Variants in CCDC201 observed in about 807,000 individuals in gnomAD.
CCDC201 encodes the protein coiled-coil domain-containing protein 201.
At chr7:45,872,651 G>A (rs180718992) in intron 1 of CCDC201, among the ~76,000 whole-genome samples, 2 of 152,282 alleles carry the variant, frequency 1.3e-5, no homozygotes, top group African/African-American at 2.4e-5. Flanking sequence ...TGGAGGGCCT[G>A]GGACACACCT....
intron 2 of CCDC201, among the ~76,000 whole-genome samples, 176 bp from the exon 3 acceptor site, chr7:45,863,347 C>T (rs749900320): frequency 2.0e-5 from 3 of 152,154 alleles, no homozygotes; most frequent in Admixed American, 2.0e-4. Flanking sequence ...GGATACTGTG[C>T]CACCCAGAGG....
At chr7:45,871,245 A>G (rs1467151714) in intron 1 of CCDC201, among the ~76,000 whole-genome samples, 1 of 152,196 alleles carries the variant, frequency 6.6e-6, no homozygotes. Context: ...CTCTTTCATC[A>G]CATCTTCTTC....
chr7:45,867,870 T>C (rs989220774), intron 1 of CCDC201, among the ~76,000 whole-genome samples: 2 of 152,238 alleles, frequency 1.3e-5, no homozygotes, highest in African/African-American at 4.8e-5. Context: ...GAAACCATTT[T>C]AATGATGGTG....
chr7:45,860,704 C>G (rs1201493297), exon 3 of CCDC201: 1 of 152,186 alleles, frequency 6.6e-6, no homozygotes, highest in Non-Finnish European at 1.5e-5. Context: ...CTCCTGTCCC[C>G]AAGAATTTGG....
chr7:45,878,789 C>T, the CCDC201 span, among the ~76,000 whole-genome samples: 1 of 152,236 alleles, frequency 6.6e-6, no homozygotes, highest in Non-Finnish European at 1.5e-5. Flanking sequence ...ACGTTTGATT[C>T]ACCTTTACTT....
At chr7:45,860,613 C>T (rs538149918) in exon 3 of CCDC201, 1 of 152,338 alleles carries the variant, frequency 6.6e-6, no homozygotes, top group Non-Finnish European at 1.5e-5. Flanking sequence ...TGCCCTATGT[C>T]TAACATAAGC....
At chr7:45,878,128 G>A in the CCDC201 span, among the ~76,000 whole-genome samples, 1 of 152,234 alleles carries the variant, frequency 6.6e-6, no homozygotes, top group African/African-American at 2.4e-5. Context: ...AGTGATGCAA[G>A]GGGTGTTCTC....
At chr7:45,873,057 C>A (rs543551117) in exon 1 of CCDC201, 1 of 152,498 alleles carries the variant, frequency 6.6e-6, no homozygotes, top group East Asian at 1.9e-4. Context: ...GCAGCGCCCA[C>A]CCTGTGGCCC....
At position 45,866,205 on chromosome 7, in the gene CCDC201, TC is replaced by T; in HGVS notation, c.307del (p.Glu103ArgfsTer9). 1 of 171,460 alleles carries T rather than the reference TC, an allele frequency of 5.8e-6. No individual in the cohort carries two copies. The highest frequency in any genetic ancestry group is 1.3e-5 in the Non-Finnish European group (1 of 78,894). 10.6% of individuals were successfully genotyped at this position (171,460 alleles called of 1,614,324 possible). A position where few individuals can be genotyped will look rare whatever the true frequency, so the allele number is the denominator to read the frequency against. On this transcript the variant is annotated frameshift_variant, in exon 2 of 3. Transcript: ENST00000636578. LOFTEE classifies it high-confidence loss of function. Reference sequence around the variant, plus strand: ...TAAGGAGGCTGATGTGGGCGGCTCCTCCCCAGGAGCTGAGAGATCCAAGCTG... The same window carrying T: ...TAAGGAGGCTGATGTGGGCGGCTCCTCCCAGGAGCTGAGAGATCCAAGCTG...
At chr7:45,878,956 G>A in the CCDC201 span, among the ~76,000 whole-genome samples, 1 of 152,224 alleles carries the variant, frequency 6.6e-6, no homozygotes, top group Admixed American at 6.5e-5. Context: ...CATATGAGCT[G>A]ATGCTATTAG....
intron 1 of CCDC201, among the ~76,000 whole-genome samples, chr7:45,867,580 C>T (rs1175233057): frequency 6.6e-6 from 1 of 152,230 alleles, no homozygotes; most frequent in Non-Finnish European, 1.5e-5. Flanking sequence ...AAGTGCATGT[C>T]CATTGCCTGG....
chr7:45,863,893 T>C lies in CCDC201; in HGVS notation c.478-722A>G, dbSNP rs540375005. The stretch of plus-strand genomic sequence containing the variant: ...GGGCCAGCTGTAAGAGCAGAAGGCC[T>C]GAGCCAGAGCCAGCAGGAGCCACCG... On this transcript the variant is annotated intron_variant, in intron 2 of 2. Coordinates refer to ENST00000636578, the Ensembl canonical transcript of CCDC201. Among the ~76,000 whole-genome samples the C allele has an allele frequency of 1.1e-4, 16 of 152,236 alleles. No individual in the cohort carries two copies. In the South Asian group the frequency reaches 3.1e-3, roughly 30 times the overall value.
At chr7:45,884,142 C>A in the CCDC201 span, among the ~76,000 whole-genome samples, 1 of 151,718 alleles carries the variant, frequency 6.6e-6, no homozygotes, top group African/African-American at 2.4e-5. Flanking sequence ...ACTCTGCCAC[C>A]GAGGCTGGAG....
upstream of CCDC201, among the ~76,000 whole-genome samples, chr7:45,877,804 C>A (rs1786832562): frequency 6.6e-6 from 1 of 152,130 alleles, no homozygotes; most frequent in Non-Finnish European, 1.5e-5. Flanking sequence ...AATCTCATGC[C>A]CTTCTCACAT....
intron 2 of CCDC201, among the ~76,000 whole-genome samples, chr7:45,864,335 C>T (rs113644146): frequency 2.6e-5 from 4 of 152,326 alleles, no homozygotes; most frequent in African/African-American, 9.6e-5. Flanking sequence ...GGTTGTTCCC[C>T]ACAAGCTCTA....
At chr7:45,860,570 T>C (rs2116512276) in exon 3 of CCDC201, 1 of 152,390 alleles carries the variant, frequency 6.6e-6, no homozygotes, top group East Asian at 1.9e-4. Context: ...TAGCTGTTTA[T>C]TATTTTCCTC....
At chr7:45,884,519 G>GTCCCCTGCCTGC in the CCDC201 span, among the ~76,000 whole-genome samples, 1 of 152,082 alleles carries the variant, frequency 6.6e-6, no homozygotes, top group Non-Finnish European at 1.5e-5. Context: ...TTTGTGCCTG[G>GTCCCCTGCCTGC]TCCCCTGCCT....
chr7:45,877,302 A>G (rs985532581), upstream of CCDC201, among the ~76,000 whole-genome samples: 7 of 152,168 alleles, frequency 4.6e-5, no homozygotes, highest in African/African-American at 1.7e-4. Flanking sequence ...AACAGATAAC[A>G]TGTTGTTTTC....
upstream of CCDC201, among the ~76,000 whole-genome samples, chr7:45,877,904 T>A (rs1786833557): frequency 6.6e-6 from 1 of 152,228 alleles, no homozygotes; most frequent in South Asian, 2.1e-4. Flanking sequence ...AAATCTCATC[T>A]GAGACAAAGA....
Sources: allele counts gnomAD v4.1 joint callset (sites outside exome capture counted in the v4.1 genomes callset), GRCh38; gene constraint gnomAD v4.1.1; transcripts MANE v1.5; gene names NCBI Gene and HGNC (gene_info 2026-07-23, HGNC 2026-07-21).